SP140L: variants seen among roughly 807,000 people sequenced by gnomAD.
SP140L encodes SP140 like nuclear body protein, also known as nuclear body protein SP140-like protein.
Under a neutral mutation model 84.3 loss-of-function variants are expected in SP140L, and 64 were observed. The observed-to-expected ratio is 0.76, with a 90% CI of 0.62 to 0.94. SP140L has a LOEUF of 0.94. Among genes scored for constraint, SP140L ranks in the 40% least tolerant of loss-of-function variants. SP140L has a pLI of 0.00. For synonymous variants in SP140L, 242 were observed against 236.9 expected, an observed-to-expected ratio of 1.02 and a Z score of -0.20; for missense variants, 628 against 692.5, an observed-to-expected ratio of 0.91 and a Z score of 1.05.
chr2:230,334,850 GTC>G (rs1466248683), intron 2 of SP140L, among the ~76,000 whole-genome samples: 4 of 152,046 alleles, frequency 2.6e-5, no homozygotes, highest in Non-Finnish European at 5.9e-5. Flanking sequence ...TTTAGGGTAA[GTC>G]TGCAAGCATA....
At chr2:230,376,226 G>A (rs2061236977) in intron 7 of SP140L, among the ~76,000 whole-genome samples, 1 of 151,966 alleles carries the variant, frequency 6.6e-6, no homozygotes, top group Non-Finnish European at 1.5e-5. Flanking sequence ...CTTGACATTT[G>A]TATTTATCAC....
At position 230,349,596 on chromosome 2, in the gene SP140L, TTTA is replaced by T. The variant is rs1287861269; in HGVS notation, c.108-8203_108-8201del. Among the ~76,000 whole-genome samples, 106 of 152,336 alleles carry T rather than the reference TTTA, an allele frequency of 7.0e-4. 1 individual carries two copies. Among genetic ancestry groups the T allele is most frequent in the Non-Finnish European group, 4.4e-5 (3 of 68,022 alleles). On this transcript the variant is annotated intron_variant, in intron 2 of 18. Coordinates refer to ENST00000415673, the MANE Select transcript of SP140L (RefSeq NM_138402.6). ...ATTCTGTTTGTTCATTCCTAAATGT[TTTA>T]TTATTTTGCCTACCTTTAATTTTGA...
chr2:230,400,364 G>A, intron 15 of SP140L, 122 bp downstream of exon 15: 1 of 941,486 alleles, frequency 1.1e-6, no homozygotes, highest in Non-Finnish European at 1.6e-6. Flanking sequence ...TCGGGTACTG[G>A]GACCCAGCAG....
In SP140L at chr2:230,397,630, G is replaced by A. The variant is rs562818940; in HGVS notation, c.1197+832G>A. 5.3e-5 allele frequency among the ~76,000 whole-genome samples: 8 copies of A among 152,204 alleles called. No individual in the cohort carries two copies. In the East Asian group the frequency reaches 1.3e-3, roughly 26 times the overall value. ...CAGTGAGATGCCAATTTTAGGCAAG[G>A]TCACCTTCTTGCACAACTCCAGGGG... On this transcript the variant is annotated intron_variant, in intron 14 of 18. Coordinates refer to ENST00000415673, the MANE Select transcript of SP140L (RefSeq NM_138402.6).
rs2062423158 is a variant in SP140L at position 230,402,972 on chromosome 2, G to A, written c.*76G>A. The A allele has an allele frequency of 1.7e-6, 2 of 1,180,868 alleles. No homozygotes were observed. The highest frequency in any genetic ancestry group is 2.5e-5 in the East Asian group (1 of 40,264). The allele number at this position is 1,180,868 out of a possible 1,614,324, so 73.1% of individuals were successfully genotyped here. A position where few individuals can be genotyped will look rare whatever the true frequency, so the allele number is the denominator to read the frequency against. ...CTGACTTCAAACTGAGAGCACTTGG[G>A]AAATAGCACATGCAGGGAGAGGCTT... On this transcript the variant is annotated 3_prime_UTR_variant, in exon 19 of 19. Transcript: ENST00000415673.
intron 10 of SP140L, among the ~76,000 whole-genome samples, chr2:230,389,069 T>C (rs2061699984): frequency 6.6e-6 from 1 of 152,234 alleles, no homozygotes; most frequent in Non-Finnish European, 1.5e-5. Flanking sequence ...TGTGATCTTG[T>C]GCTGACCACT....
intron 4 of SP140L, 56 bp from the exon 5 acceptor site, chr2:230,361,558 G>A: frequency 2.2e-6 from 3 of 1,374,782 alleles, no homozygotes; most frequent in South Asian, 2.5e-5. Context: ...ATTTCCAGGT[G>A]TTGTCCCTGG....
At chr2:230,381,618 G>C (rs1017305324) in intron 7 of SP140L, among the ~76,000 whole-genome samples, 6 of 152,088 alleles carry the variant, frequency 3.9e-5, no homozygotes, top group African/African-American at 1.4e-4. Flanking sequence ...CACTTTGGGA[G>C]ACCAAGGCAG....
intron 18 of SP140L, among the ~76,000 whole-genome samples, chr2:230,402,586 T>C (rs1218448973): frequency 6.6e-6 from 1 of 152,238 alleles, no homozygotes; most frequent in African/African-American, 2.4e-5. Flanking sequence ...CTCTTTGAGA[T>C]GATGAATATG....
intron 7 of SP140L, among the ~76,000 whole-genome samples, chr2:230,382,210 T>A (rs1215050681): frequency 5.3e-5 from 6 of 114,132 alleles, no homozygotes; most frequent in African/African-American, 2.0e-4. Context: ...GTAGGGACAA[T>A]GTCTAGAGGG....
intron 7 of SP140L, among the ~76,000 whole-genome samples, chr2:230,377,826 AT>A (rs1229291915): frequency 1.1e-4 from 16 of 143,824 alleles, no homozygotes; most frequent in African/African-American, 3.6e-4. Context: ...TAAAACTTTA[AT>A]TTTTTTATAA....
Position 230,389,566 on chromosome 2 carries a change from A to C in SP140L, c.860-353A>C, listed in dbSNP as rs570112091. Among the ~76,000 whole-genome samples, 6 of 152,324 alleles carry C rather than the reference A, an allele frequency of 3.9e-5. No individual in the cohort carries two copies. The South Asian group carries it at 1.2e-3, about 32-fold the overall frequency. Reference sequence around the variant, plus strand: ...GCTTCATCTCTGGCTACCTAACTGCAGCAAAACAGAATAGCTGGAGAGCGC... The same window carrying C: ...GCTTCATCTCTGGCTACCTAACTGCCGCAAAACAGAATAGCTGGAGAGCGC... On this transcript the variant is annotated intron_variant, in intron 10 of 18. Coordinates refer to ENST00000415673, the MANE Select transcript of SP140L (RefSeq NM_138402.6).
intron 7 of SP140L, among the ~76,000 whole-genome samples, chr2:230,380,980 A>G (rs747218636): frequency 4.6e-5 from 7 of 152,056 alleles, no homozygotes; most frequent in Non-Finnish European, 8.8e-5. Flanking sequence ...TTATCTAAAT[A>G]CCTAGGAGCA....
Position 230,358,946 on chromosome 2 carries a change from CA to C in SP140L, c.271-17del. ...TGAAAGTCTGTATTTGTATTTTCTC[CA>C]TTCAATATTTTTAAAGGATTCTGAA... On this transcript the variant is annotated splice_polypyrimidine_tract_variant and intron_variant, in intron 3 of 18. Transcript: ENST00000415673. 1 of 1,542,752 alleles carries C rather than the reference CA, an allele frequency of 6.5e-7. No individual in the cohort carries two copies. Among genetic ancestry groups the C allele is most frequent in the Non-Finnish European group, 8.7e-7 (1 of 1,149,392 alleles).
At chr2:230,400,414 G>A (rs767122209) in intron 15 of SP140L, 172 bp downstream of exon 15, 35 of 636,338 alleles carry the variant, frequency 5.5e-5, no homozygotes, top group Non-Finnish European at 8.2e-5. Flanking sequence ...GCAGCAGGAG[G>A]TAAATGCTCT....
chr2:230,336,681 T>C (rs1457059357), intron 2 of SP140L, among the ~76,000 whole-genome samples: 2 of 152,256 alleles, frequency 1.3e-5, no homozygotes, highest in Non-Finnish European at 2.9e-5. Flanking sequence ...TTTGACTTAC[T>C]GGACTTGTCA....
chr2:230,360,409 A>G (rs1171346161), intron 4 of SP140L, among the ~76,000 whole-genome samples: 1 of 152,234 alleles, frequency 6.6e-6, no homozygotes, highest in Admixed American at 6.5e-5. Flanking sequence ...AGGCAGCTAT[A>G]TATGTTTTGG....
At chr2:230,337,567 C>T (rs2059915456) in intron 2 of SP140L, among the ~76,000 whole-genome samples, 1 of 151,988 alleles carries the variant, frequency 6.6e-6, no homozygotes, top group Non-Finnish European at 1.5e-5. Context: ...GAAGTCCTTG[C>T]CCATGCCTAT....
chr2:230,346,600 A>G (rs964916296), intron 2 of SP140L, among the ~76,000 whole-genome samples: 6 of 152,008 alleles, frequency 3.9e-5, no homozygotes, highest in Non-Finnish European at 7.4e-5. Context: ...TGCTCCTCTA[A>G]GTAGATAATT....
Sources: gnomAD v4.1 joint callset for allele counts (sites outside exome capture counted in the v4.1 genomes callset) on GRCh38, gnomAD v4.1.1 for gene constraint, MANE v1.5 for transcripts, NCBI Gene and HGNC (gene_info 2026-07-23, HGNC 2026-07-21) for gene names.